The following RALGAPA1 variants were observed in gnomAD, a reference collection of about 807,000 sequenced individuals.
RALGAPA1 encodes Ral GTPase activating protein catalytic subunit alpha 1.
A neutral mutation model predicts 269.6 loss-of-function variants in RALGAPA1; 52 were observed. That is an observed-to-expected ratio of 0.19 (90% CI 0.15 to 0.24). RALGAPA1 has a LOEUF of 0.24. Ranked by LOEUF, RALGAPA1 falls within the 10% of genes least tolerant of loss-of-function variation. RALGAPA1 has a pLI of 1.00. For missense variants in RALGAPA1, 1,917 were observed against 3,013.9 expected, an observed-to-expected ratio of 0.64 and a Z score of 8.52; for synonymous variants, 817 against 1,008.3, an observed-to-expected ratio of 0.81 and a Z score of 3.60.
intron 37 of RALGAPA1, among the ~76,000 whole-genome samples, chr14:35,582,293 A>G (rs1394676942): frequency 6.6e-6 from 1 of 152,194 alleles, no homozygotes; most frequent in African/African-American, 2.4e-5. Flanking sequence ...GAACAAAAAC[A>G]AAAAACAAAA....
At chr14:35,678,875 G>A (rs1353060182) in intron 21 of RALGAPA1, among the ~76,000 whole-genome samples, 2 of 152,064 alleles carry the variant, frequency 1.3e-5, no homozygotes, top group Non-Finnish European at 2.9e-5. Flanking sequence ...CTGCTTCCTT[G>A]AGAAGCCTAC....
chr14:35,624,582 A>T (rs2060873317), intron 35 of RALGAPA1, among the ~76,000 whole-genome samples: 1 of 152,118 alleles, frequency 6.6e-6, no homozygotes, highest in African/African-American at 2.4e-5. Context: ...GGCAGAAAGC[A>T]GAAGTACAAA....
intron 31 of RALGAPA1, among the ~76,000 whole-genome samples, chr14:35,648,241 G>A (rs1566916348): frequency 6.6e-6 from 1 of 151,944 alleles, no homozygotes; most frequent in Non-Finnish European, 1.5e-5. Flanking sequence ...AGGTTGCAAT[G>A]AGCCGAGATT....
At chr14:35,554,947 G>A (rs1383478244) in intron 39 of RALGAPA1, among the ~76,000 whole-genome samples, 1 of 152,154 alleles carries the variant, frequency 6.6e-6, no homozygotes. Context: ...ATTAGGAGAT[G>A]TCTGTTATGC....
intron 39 of RALGAPA1, among the ~76,000 whole-genome samples, chr14:35,553,790 GT>G (rs1215489604): frequency 1.3e-5 from 2 of 152,068 alleles, no homozygotes; most frequent in Non-Finnish European, 2.9e-5. Context: ...TTAAGTTCAG[GT>G]TTCATGTTTT....
chr14:35,588,820 C>T (rs1376147383), intron 37 of RALGAPA1, among the ~76,000 whole-genome samples: 2 of 152,172 alleles, frequency 1.3e-5, no homozygotes, highest in South Asian at 2.1e-4. Context: ...TTCAGTGCAG[C>T]CTTATTCACA....
intron 41 of RALGAPA1, among the ~76,000 whole-genome samples, chr14:35,540,333 C>T (rs2053853941): frequency 6.6e-6 from 1 of 152,104 alleles, no homozygotes; most frequent in Non-Finnish European, 1.5e-5. Flanking sequence ...ACTGACTCCC[C>T]CAAAATGTCT....
chr14:35,608,780 C>T (rs796422215), intron 35 of RALGAPA1, among the ~76,000 whole-genome samples: 15 of 152,238 alleles, frequency 9.9e-5, no homozygotes, highest in African/African-American at 3.6e-4. Flanking sequence ...CAATAATGGA[C>T]AGAACAACTA....
At position 35,542,189 on chromosome 14, in the gene RALGAPA1, CCA is replaced by C. The variant is rs2054071597; in HGVS notation, c.*24-2501_*24-2500del. On this transcript the variant is annotated intron_variant, in intron 41 of 41. Transcript: ENST00000680220. Reference sequence around the variant, plus strand: ...AGAGCTGCATTGTCCAATGTGGTAGCCACAGCCACATTAAGTTTAAATTTATT... The same window carrying C: ...AGAGCTGCATTGTCCAATGTGGTAGCCAGCCACATTAAGTTTAAATTTATT... The C allele has an allele frequency of 9.2e-6, 3 of 327,522 alleles. No homozygotes were observed. The Admixed American group carries it at 1.4e-4, about 15-fold the overall frequency. 20.3% of individuals were successfully genotyped at this position (327,522 alleles called of 1,614,324 possible).
intron 35 of RALGAPA1, among the ~76,000 whole-genome samples, chr14:35,620,490 T>C (rs1029891044): frequency 5.3e-5 from 8 of 151,998 alleles, no homozygotes; most frequent in African/African-American, 9.7e-5. Flanking sequence ...CTATTCAACA[T>C]AGTGTTGGAA....
intron 1 of RALGAPA1, among the ~76,000 whole-genome samples, chr14:35,786,270 G>A (rs1260476832): frequency 1.3e-5 from 2 of 152,168 alleles, no homozygotes; most frequent in Non-Finnish European, 2.9e-5. Flanking sequence ...AAATTCACCA[G>A]TAAAACAGGG....
chr14:35,563,403 G>A (rs2056449268), intron 39 of RALGAPA1, among the ~76,000 whole-genome samples: 1 of 152,120 alleles, frequency 6.6e-6, no homozygotes, highest in Admixed American at 6.5e-5. Context: ...TAATGAATAT[G>A]ACTTAGCTGG....
Position 35,672,994 on chromosome 14 carries a change from T to G in RALGAPA1, c.4946A>C (p.Gln1649Pro). ...KATMLTDKYK[Q>P]GKLHAYKLIC... ...AAGTTTATATGCATGTAATTTACCT[T>G]GTTTATATTTATCAGTCAACATGGT... Residue 1649 changes from glutamine (Q) to proline (P), a missense_variant, in exon 25 of 42, where the codon CAA becomes CCA. Physicochemically the swap from Gln to Pro is moderately conservative, Grantham distance 76. This residue lies in a region of RALGAPA1 where 73 missense variants were observed against 190.6 expected (regional missense o/e 0.38). Transcript: ENST00000680220. 6.5e-7 allele frequency: 1 copy of G among 1,533,482 alleles called. No homozygotes were observed. Among genetic ancestry groups the G allele is most frequent in the Non-Finnish European group, 8.8e-7 (1 of 1,139,984 alleles). 95.0% of individuals were successfully genotyped at this position (1,533,482 alleles called of 1,614,324 possible). A position where few individuals can be genotyped will look rare whatever the true frequency, so the allele number is the denominator to read the frequency against.
At chr14:35,772,876 T>C (rs190962760) in intron 3 of RALGAPA1, among the ~76,000 whole-genome samples, 19 of 152,294 alleles carry the variant, frequency 1.2e-4, no homozygotes, top group African/African-American at 4.3e-4. Context: ...TTATATTTCC[T>C]TGTCTTCTCG....
chr14:35,775,151 C>A, intron 2 of RALGAPA1, 96 bp from the exon 3 acceptor site: 1 of 713,466 alleles, frequency 1.4e-6, no homozygotes, highest in Non-Finnish European at 2.4e-6. Context: ...TTTTTCCCAG[C>A]AATTATTTAG....
At chr14:35,563,714 A>G (rs1343852735) in intron 39 of RALGAPA1, among the ~76,000 whole-genome samples, 2 of 152,220 alleles carry the variant, frequency 1.3e-5, no homozygotes, top group Non-Finnish European at 2.9e-5. Flanking sequence ...ACTGAACATT[A>G]TAACTTACCC....
chr14:35,617,581 G>C (rs973617131), intron 35 of RALGAPA1, among the ~76,000 whole-genome samples: 10 of 136,778 alleles, frequency 7.3e-5, no homozygotes, highest in African/African-American at 2.8e-4. Context: ...TCATGTCATT[G>C]AACTCCAGCC....
intron 33 of RALGAPA1, among the ~76,000 whole-genome samples, chr14:35,628,558 A>T (rs564703939): frequency 1.4e-4 from 21 of 152,336 alleles, no homozygotes; most frequent in Middle Eastern, 3.4e-3. Context: ...TAGATTCCAG[A>T]TTCAGAGACA....
At chr14:35,718,955 T>C (rs1212137477) in intron 16 of RALGAPA1, among the ~76,000 whole-genome samples, 1 of 151,662 alleles carries the variant, frequency 6.6e-6, no homozygotes, top group Non-Finnish European at 1.5e-5. Context: ...TCTTCCCACC[T>C]CAGTCCTCCA....
Sources: allele counts gnomAD v4.1 joint callset (sites outside exome capture counted in the v4.1 genomes callset), GRCh38; gene constraint gnomAD v4.1.1; regional missense constraint gnomAD v4.1.1; transcripts MANE v1.5; gene names NCBI Gene and HGNC (gene_info 2026-07-23, HGNC 2026-07-21).